Variants in CCDC81 observed in about 807,000 individuals in gnomAD.
CCDC81 encodes the protein coiled-coil domain-containing protein 81.
Under a neutral mutation model 83.7 loss-of-function variants are expected in CCDC81, and 79 were observed. The ratio of observed to expected loss-of-function variants is 0.94; its 90% CI spans 0.79 to 1.14. CCDC81 has a LOEUF of 1.14. Among genes scored for constraint, CCDC81 ranks in the 50% most tolerant of loss-of-function variants. CCDC81 has a pLI of 0.00. For missense variants in CCDC81, 791 were observed against 778.1 expected, an observed-to-expected ratio of 1.02 and a Z score of -0.20; for synonymous variants, 252 against 278.1, an observed-to-expected ratio of 0.91 and a Z score of 0.93.
In CCDC81 at chr11:86,403,582, A is replaced by C. The variant is rs996999380; in HGVS notation, c.881+2781A>C. Among the ~76,000 whole-genome samples the C allele has an allele frequency of 2.2e-4, 34 of 152,324 alleles. No individual in the cohort carries two copies. In the East Asian group the frequency reaches 2.5e-3, roughly 11 times the overall value. ...AAAATGGAAAAGTGTAGCACAATTT[A>C]GCAGATCAAGGCAGTAGTCTAGGCA... On this transcript the variant is annotated intron_variant, in intron 7 of 14. Transcript: ENST00000445632.
chr11:86,375,826 T>C (rs901253845), intron 1 of CCDC81, among the ~76,000 whole-genome samples: 21 of 152,308 alleles, frequency 1.4e-4, no homozygotes, highest in African/African-American at 4.8e-4. Context: ...CTGAGATCTG[T>C]CTGCAAACCA....
chr11:86,383,977 G>A (rs1189395763), intron 1 of CCDC81, among the ~76,000 whole-genome samples: 1 of 152,164 alleles, frequency 6.6e-6, no homozygotes, highest in Non-Finnish European at 1.5e-5. Context: ...AATGAAGAAA[G>A]ACAGAATCCT....
chr11:86,414,999 G>T, intron 12 of CCDC81, 94 bp from the exon 13 acceptor site: 1 of 1,465,612 alleles, frequency 6.8e-7, no homozygotes, highest in Non-Finnish European at 9.4e-7. Flanking sequence ...ATTCCTTCCT[G>T]TAAGATGCTG....
intron 6 of CCDC81, among the ~76,000 whole-genome samples, chr11:86,398,179 A>G (rs1231653837): frequency 1.3e-5 from 2 of 152,192 alleles, no homozygotes; most frequent in Non-Finnish European, 2.9e-5. Context: ...TTCTATTCCT[A>G]GAATCCTGCA....
chr11:86,386,839 C>T (rs894218769), intron 2 of CCDC81, among the ~76,000 whole-genome samples: 1 of 152,206 alleles, frequency 6.6e-6, no homozygotes, highest in African/African-American at 2.4e-5. Flanking sequence ...TCCATTGCTA[C>T]GTGGTGACAC....
At chr11:86,411,823 A>C (rs971050726) in intron 10 of CCDC81, among the ~76,000 whole-genome samples, 1 of 152,194 alleles carries the variant, frequency 6.6e-6, no homozygotes. Context: ...TTGGTCTTAA[A>C]GCTTGAAACT....
chr11:86,374,887 A>T lies in CCDC81; in HGVS notation c.-277A>T. 2.4e-6 allele frequency: 1 copy of T among 419,096 alleles called. No homozygotes were observed. The highest frequency in any genetic ancestry group is 4.5e-6 in the Non-Finnish European group (1 of 223,396). 26.0% of individuals were successfully genotyped at this position (419,096 alleles called of 1,614,324 possible). The stretch of plus-strand genomic sequence containing the variant: ...GGAGGGCGCGGGTCTGCACACTCTC[A>T]CTCGGTGCCGGACATCAGTTCCTGC... On this transcript the variant is annotated 5_prime_UTR_variant, in exon 1 of 15. Transcript: ENST00000445632.
At chr11:86,405,643 C>G (rs1264884039) in intron 7 of CCDC81, among the ~76,000 whole-genome samples, 1 of 152,050 alleles carries the variant, frequency 6.6e-6, no homozygotes, top group Non-Finnish European at 1.5e-5. Context: ...CCTTCCAAAC[C>G]TGTATTTTTT....
chr11:86,410,938 G>A (rs1332370958), intron 10 of CCDC81, among the ~76,000 whole-genome samples: 1 of 152,156 alleles, frequency 6.6e-6, no homozygotes, highest in Non-Finnish European at 1.5e-5. Flanking sequence ...CACTGAAAGT[G>A]TTGCCAAGCC....
chr11:86,400,726 C>A lies in CCDC81; in HGVS notation c.806C>A (p.Ala269Asp). The part of the protein sequence containing the change: ...RLRDRQALFP[A>D]KVTNVSLLEK... ...CGAGATAGACAAGCTTTGTTCCCTG[C>A]CAAAGTGACAAATGTCAGCTTGCTG... The change falls in exon 7 of 15, where the codon GCC becomes GAC. Residue 269 changes from alanine (A) to aspartate (D), a missense_variant. Coordinates refer to ENST00000445632, the MANE Select transcript of CCDC81 (RefSeq NM_001156474.2). 1.2e-6 allele frequency: 2 copies of A among 1,612,872 alleles called. No homozygotes were observed. Among genetic ancestry groups the A allele is most frequent in the Non-Finnish European group, 1.7e-6 (2 of 1,179,110 alleles).
At chr11:86,414,749 G>A in intron 11 of CCDC81, 40 bp from the exon 12 acceptor site, 3 of 1,382,568 alleles carry the variant, frequency 2.2e-6, no homozygotes, top group Non-Finnish European at 2.0e-6. Context: ...ACTAAAGACT[G>A]CAAAACTGTG....
Position 86,422,618 on chromosome 11 carries a change from G to A in CCDC81, c.1862G>A (p.Arg621Gln), listed in dbSNP as rs141550907. Residue 621 changes from arginine to glutamine, a missense_variant, in exon 15 of 15, where the codon CGG (arginine) becomes CAG (glutamine). Coordinates refer to ENST00000445632, the MANE Select transcript of CCDC81 (RefSeq NM_001156474.2). ...CTCCTAGACCAGTGTGAGAAGTATC[G>A]GCGCTGCAAGCAATGCCAGAGGCGC... Reference protein sequence around the residue: ...LFLLDQCEKYRRCKQCQRRTS... With the variant: ...LFLLDQCEKYQRCKQCQRRTS... 31 of 1,613,804 alleles carry A rather than the reference G, an allele frequency of 1.9e-5. No individual in the cohort carries two copies. The highest frequency in any genetic ancestry group is 3.3e-4 in the Middle Eastern group (2 of 6,078).
intron 7 of CCDC81, among the ~76,000 whole-genome samples, chr11:86,402,155 A>T (rs986844836): frequency 2.0e-5 from 3 of 147,298 alleles, no homozygotes; most frequent in Non-Finnish European, 4.5e-5. Context: ...AAAAAAAAAG[A>T]AGTTAACCAA....
intron 6 of CCDC81, 39 bp from the exon 7 acceptor site, chr11:86,400,639 T>C: frequency 6.4e-7 from 1 of 1,567,312 alleles, no homozygotes; most frequent in Non-Finnish European, 8.7e-7. Context: ...GTTTGAGAGT[T>C]GAAAGGAGAC....
In CCDC81 at chr11:86,407,621, T is replaced by C. The variant is rs536560861; in HGVS notation, c.889T>C (p.Tyr297His). ...GTTGCATTGTTTTTATAGCTTATCA[T>C]ATCCAAGTTGTCTGAAACACGACAG... ...GKIMTPESLS[Y>H]PSCLKHDSEM... The change falls in exon 8 of 15, where the codon TAT becomes CAT. Residue 297 changes from tyrosine (Y) to histidine (H), a missense_variant. By Grantham distance (83) the Tyr-to-His change is moderately conservative (BLOSUM62 2). Coordinates refer to ENST00000445632, the MANE Select transcript of CCDC81 (RefSeq NM_001156474.2). 1 of 1,610,794 alleles carries C rather than the reference T, an allele frequency of 6.2e-7. No individual in the cohort carries two copies. The highest frequency in any genetic ancestry group is 1.1e-5 in the South Asian group (1 of 90,768).
Position 86,387,628 on chromosome 11 carries a change from T to C in CCDC81, c.254T>C (p.Leu85Pro). The C allele has an allele frequency of 1.2e-6, 2 of 1,610,686 alleles. No individual in the cohort carries two copies. Among genetic ancestry groups the C allele is most frequent in the Admixed American group, 1.7e-5 (1 of 59,972 alleles). ...CCTGTGTTTATCATGGTGGAGAAGC[T>C]AGTGCAGATTCATGGACTCAAACAA... ...QRPVFIMVEK[L>P]VQIHGLKQNK... Residue 85 changes from leucine (L) to proline (P), a missense_variant, in exon 3 of 15, where the codon CTA becomes CCA. Coordinates refer to ENST00000445632, the MANE Select transcript of CCDC81 (RefSeq NM_001156474.2).
intron 5 of CCDC81, 120 bp downstream of exon 5, chr11:86,395,533 G>T (rs1409386421): frequency 1.4e-6 from 1 of 708,784 alleles, no homozygotes; most frequent in Admixed American, 2.5e-5. Flanking sequence ...TATTCTGTCT[G>T]TCTCTCCCTC....
At chr11:86,383,464 G>A (rs1948199818) in intron 1 of CCDC81, among the ~76,000 whole-genome samples, 1 of 152,178 alleles carries the variant, frequency 6.6e-6, no homozygotes, top group Non-Finnish European at 1.5e-5. Context: ...GTAAGATACA[G>A]TATCCTGTTA....
rs1273459947 is a variant in CCDC81 at position 86,413,406 on chromosome 11, G to A, written c.1391+847G>A. 3.3e-5 allele frequency among the ~76,000 whole-genome samples: 5 copies of A among 152,228 alleles called. No individual in the cohort carries two copies. The South Asian group carries it at 6.2e-4, about 19-fold the overall frequency. On this transcript the variant is annotated intron_variant, in intron 11 of 14. Coordinates refer to ENST00000445632, the MANE Select transcript of CCDC81 (RefSeq NM_001156474.2). Reference sequence around the variant, plus strand: ...AAAATGCCTGTCCTCATCTAGGTCCGTGGGCACAGATGGAACCCTAGCCAG... The same window carrying A: ...AAAATGCCTGTCCTCATCTAGGTCCATGGGCACAGATGGAACCCTAGCCAG...
Sources: gnomAD v4.1 joint callset for allele counts (sites outside exome capture counted in the v4.1 genomes callset) on GRCh38, gnomAD v4.1.1 for gene constraint, MANE v1.5 for transcripts, NCBI Gene and HGNC (gene_info 2026-07-23, HGNC 2026-07-21) for gene names.